CACNA1H: variants seen among roughly 807,000 people sequenced by gnomAD.
The protein encoded by CACNA1H is calcium voltage-gated channel subunit alpha1 H, also known as voltage-dependent T-type calcium channel subunit alpha-1H.
A neutral mutation model predicts 192.5 loss-of-function variants in CACNA1H; 149 were observed. The observed-to-expected ratio is 0.77, with a 90% CI of 0.68 to 0.89. The LOEUF is 0.89. Ranked by LOEUF, CACNA1H falls within the 40% of genes least tolerant of loss-of-function variation. The pLI, the probability that CACNA1H is intolerant of heterozygous loss-of-function variation, is 0.00. For missense variants in CACNA1H, 4,257 were observed against 3,423.5 expected, an observed-to-expected ratio of 1.24 and a Z score of -6.08; for synonymous variants, 2,202 against 1,475.2, an observed-to-expected ratio of 1.49 and a Z score of -11.29.
intron 2 of CACNA1H, among the ~76,000 whole-genome samples, chr16:1,165,114 T>C (rs1963626038): frequency 1.3e-5 from 2 of 151,628 alleles, no homozygotes; most frequent in Non-Finnish European, 2.9e-5. Flanking sequence ...GCGGAGAAGG[T>C]GCTGGCATGT....
At chr16:1,197,932 C>T (rs141896011) in intron 5 of CACNA1H, among the ~76,000 whole-genome samples, 3,176 of 152,262 alleles carry the variant, frequency 0.021, 45 homozygotes, top group African/African-American at 0.028. Flanking sequence ...CTGGAGTTCA[C>T]GTAGCCCATA....
At chr16:1,170,401 A>G (rs1477180348) in intron 2 of CACNA1H, among the ~76,000 whole-genome samples, 1 of 152,156 alleles carries the variant, frequency 6.6e-6, no homozygotes, top group East Asian at 1.9e-4. Context: ...ACTGGGCAGA[A>G]GCAGCTGTCA....
intron 2 of CACNA1H, among the ~76,000 whole-genome samples, chr16:1,158,920 C>T (rs984717216): frequency 6.6e-6 from 1 of 152,132 alleles, no homozygotes; most frequent in African/African-American, 2.4e-5. Context: ...GCAGAGCCCC[C>T]CCGCTCAGCC....
intron 33 of CACNA1H, 81 bp from the exon 34 acceptor site, chr16:1,218,889 G>T: frequency 7.3e-7 from 1 of 1,377,466 alleles, no homozygotes; most frequent in Non-Finnish European, 9.9e-7. Flanking sequence ...ATGGTGGCAG[G>T]TTGGGGGAGG....
intron 2 of CACNA1H, among the ~76,000 whole-genome samples, chr16:1,193,179 A>G: frequency 6.6e-6 from 1 of 152,204 alleles, no homozygotes; most frequent in Non-Finnish European, 1.5e-5. Flanking sequence ...CGTTTACCCA[A>G]GAAAACCCCT....
At chr16:1,173,555 A>G (rs1182390292) in intron 2 of CACNA1H, among the ~76,000 whole-genome samples, 12 of 152,246 alleles carry the variant, frequency 7.9e-5, no homozygotes, top group African/African-American at 2.2e-4. Flanking sequence ...GTGTTAACAT[A>G]ACACGTCCTT....
intron 28 of CACNA1H, 69 bp from the exon 29 acceptor site, chr16:1,215,173 C>G (rs1969906485): frequency 1.9e-6 from 3 of 1,580,178 alleles, no homozygotes; most frequent in Non-Finnish European, 2.6e-6. Context: ...CCACGGAGGT[C>G]TGCAGAAGCA....
chr16:1,171,374 AG>A (rs1447365606), intron 2 of CACNA1H, among the ~76,000 whole-genome samples: 1 of 152,154 alleles, frequency 6.6e-6, no homozygotes, highest in East Asian at 1.9e-4. Flanking sequence ...CCCTGGGGAC[AG>A]GCTTTCCTTA....
intron 2 of CACNA1H, among the ~76,000 whole-genome samples, chr16:1,157,408 C>A (rs1281880450): frequency 6.6e-6 from 1 of 152,230 alleles, no homozygotes; most frequent in Non-Finnish European, 1.5e-5. Context: ...GCTCTGAGGG[C>A]CACGTGTTTG....
In CACNA1H at chr16:1,202,205, G is replaced by T. The variant is rs375390442; in HGVS notation, c.1755G>T (p.Pro585=). The change falls in exon 9 of 35, where the codon CCG becomes CCT. Residue 585 remains proline (P), a synonymous_variant. Transcript: ENST00000348261. ...ATGCCGACTGCCACATAGAGGGGCC[G>T]CAGGAGAGGGCCCGGGTGGCACATG... ...IYHADCHIEG[P]QERARVAHAA... is the part of the protein sequence containing the mutation. The T allele has an allele frequency of 1.9e-6, 3 of 1,553,026 alleles. No homozygotes were observed. The highest frequency in any genetic ancestry group is 2.6e-6 in the Non-Finnish European group (3 of 1,149,454).
At chr16:1,185,153 G>C (rs573920657) in intron 2 of CACNA1H, among the ~76,000 whole-genome samples, 1 of 152,272 alleles carries the variant, frequency 6.6e-6, no homozygotes, top group East Asian at 1.9e-4. Context: ...TCATGTTCCC[G>C]GGTTCACCTG....
At position 1,215,342 on chromosome 16, in the gene CACNA1H, A is replaced by G; in HGVS notation, c.5140A>G (p.Ile1714Val). The change falls in exon 29 of 35, where the codon ATC becomes GTC. Residue 1714 changes from isoleucine to valine, a missense_variant. Transcript: ENST00000348261. ...CGCGCTGCCCATCAACCCCACCATC[A>G]TCCGCATCATGCGCGTGCTTCGCAT... ...SAALPINPTI[I>V]RIMRVLRIAR... The G allele has an allele frequency of 6.2e-7, 1 of 1,611,582 alleles. No individual in the cohort carries two copies. Among genetic ancestry groups the G allele is most frequent in the Non-Finnish European group, 8.5e-7 (1 of 1,179,324 alleles).
Position 1,208,219 on chromosome 16 carries a change from C to G in CACNA1H, c.3361C>G (p.Pro1121Ala). Residue 1121 changes from proline to alanine, a missense_variant and splice_region_variant, in exon 16 of 35, where the codon CCG becomes GCG. By Grantham distance (27) the Pro-to-Ala change is conservative (BLOSUM62 -1). Coordinates refer to ENST00000348261, the MANE Select transcript of CACNA1H (RefSeq NM_021098.3). Reference protein sequence around the residue: ...GDPPLGDQKPPASLRSSPCAP... With the variant: ...GDPPLGDQKPAASLRSSPCAP... The stretch of plus-strand genomic sequence containing the variant: ...CCCGCCACTGGGAGACCAGAAGCCT[C>G]CGGTAGGGACCATCTCCTGCCCCAG... 1 of 1,555,924 alleles carries G rather than the reference C, an allele frequency of 6.4e-7. No individual in the cohort carries two copies. Among genetic ancestry groups the G allele is most frequent in the Non-Finnish European group, 8.7e-7 (1 of 1,152,912 alleles).
intron 21 of CACNA1H, 63 bp from the exon 22 acceptor site, chr16:1,211,105 C>A: frequency 1.3e-6 from 2 of 1,589,120 alleles, no homozygotes; most frequent in Non-Finnish European, 1.7e-6. Context: ...CTTTGCTGAG[C>A]TCTGCCGGCG....
At chr16:1,200,151 T>A in intron 6 of CACNA1H, 105 bp from the exon 7 acceptor site, 1 of 906,104 alleles carries the variant, frequency 1.1e-6, no homozygotes, top group Non-Finnish European at 1.6e-6. Context: ...CTGACCCTGA[T>A]CACGTCCCTG....
chr16:1,176,893 G>A (rs1230695535), intron 2 of CACNA1H, among the ~76,000 whole-genome samples: 1 of 152,176 alleles, frequency 6.6e-6, no homozygotes, highest in South Asian at 2.1e-4. Flanking sequence ...CTTTCTGAGG[G>A]CTGAGTGTCT....
intron 11 of CACNA1H, 32 bp downstream of exon 11, chr16:1,205,297 G>T: frequency 5.1e-6 from 8 of 1,573,892 alleles, no homozygotes; most frequent in Non-Finnish European, 6.1e-6. Flanking sequence ...AGGAAGAGGG[G>T]CCCGGGAAGC....
At chr16:1,206,847 T>G in intron 12 of CACNA1H, 154 bp from the exon 13 acceptor site, 1 of 580,696 alleles carries the variant, frequency 1.7e-6, no homozygotes, top group Non-Finnish European at 3.1e-6. Flanking sequence ...GCTAGAGAGC[T>G]CGGGCGCCCA....
chr16:1,195,590 C>T, intron 4 of CACNA1H, 25 bp downstream of exon 4: 1 of 1,581,066 alleles, frequency 6.3e-7, no homozygotes, highest in South Asian at 1.2e-5. Flanking sequence ...GGAGAGGCCA[C>T]AGCGCTGGCG....
Sources: gnomAD v4.1 joint callset for allele counts (sites outside exome capture counted in the v4.1 genomes callset) on GRCh38, gnomAD v4.1.1 for gene constraint, MANE v1.5 for transcripts, NCBI Gene and HGNC (gene_info 2026-07-23, HGNC 2026-07-21) for gene names.